Variants in C20orf203 observed in about 807,000 individuals in gnomAD.
The protein encoded by C20orf203 is uncharacterized protein C20orf203.
In C20orf203, 16 loss-of-function variants were observed where a neutral mutation model predicts 15.9. The ratio of observed to expected loss-of-function variants is 1.01; its 90% CI spans 0.68 to 1.53. The LOEUF (loss-of-function observed/expected upper bound fraction) is 1.53, where lower values mean the gene tolerates loss of function less well. Ranked by LOEUF, C20orf203 falls within the 40% of genes most tolerant of loss-of-function variation. The pLI, the probability that C20orf203 is intolerant of heterozygous loss-of-function variation, is 0.00. For synonymous variants in C20orf203, 98 were observed against 97.2 expected, an observed-to-expected ratio of 1.01 and a Z score of -0.05; for missense variants, 263 against 247.5, an observed-to-expected ratio of 1.06 and a Z score of -0.42.
chr20:32,638,015 TGTG>T (rs1982185782), intron 5 of C20orf203, among the ~76,000 whole-genome samples: 1 of 147,778 alleles, frequency 6.8e-6, no homozygotes, highest in Non-Finnish European at 1.5e-5. Context: ...CATGTGTGCT[TGTG>T]TGTGTGTGTG....
Position 32,634,159 on chromosome 20 carries a change from T to C in C20orf203, c.*1411A>G, listed in dbSNP as rs1046276503. On this transcript the variant is annotated 3_prime_UTR_variant, in exon 6 of 6. Coordinates refer to ENST00000608990, the MANE Select transcript of C20orf203 (RefSeq NM_182584.4). ...ACCCAGAGACCCAGAGAGATGCAGC[T>C]CTGATGGAGATGGCGCAGGCACGGG... is the stretch of plus-strand genomic sequence containing the variant. 3 of 398,336 alleles carry C rather than the reference T, an allele frequency of 7.5e-6. No homozygotes were observed. Among genetic ancestry groups the C allele is most frequent in the African/African-American group, 6.2e-5 (3 of 48,558 alleles). The allele number at this position is 398,336 out of a possible 1,614,324, so 24.7% of individuals were successfully genotyped here.
intron 1 of C20orf203, among the ~76,000 whole-genome samples, chr20:32,652,486 C>A (rs987915317): frequency 1.3e-4 from 19 of 151,740 alleles, no homozygotes; most frequent in African/African-American, 4.1e-4. Flanking sequence ...TTTATTTGAA[C>A]GATAAAATCA....
rs531716916 is a variant in C20orf203 at position 32,642,172 on chromosome 20, G to C, written c.*1178-1485C>G. On this transcript the variant is annotated intron_variant, in intron 4 of 5. Transcript: ENST00000608990. ...GGGTTATTTGTGTCTTTATTATTAA[G>C]TTGTTGGAAGTAGCATTTAGAGCCA... Among the ~76,000 whole-genome samples, 21 of 152,300 alleles carry C rather than the reference G, an allele frequency of 1.4e-4. No homozygotes were observed. The East Asian group carries it at 3.7e-3, about 27-fold the overall frequency.
intron 1 of C20orf203, among the ~76,000 whole-genome samples, chr20:32,661,561 C>T (rs962103492): frequency 6.6e-6 from 1 of 152,138 alleles, no homozygotes; most frequent in African/African-American, 2.4e-5. Flanking sequence ...GGAGAAGCAG[C>T]AAATCTAGGG....
rs7344709 is a variant in C20orf203 at position 32,672,017 on chromosome 20, C to T, written c.-264+1615G>A. 2.2e-3 allele frequency among the ~76,000 whole-genome samples: 340 copies of T among 151,520 alleles called. 2 individuals are homozygous for T. Among genetic ancestry groups the T allele is most frequent in the African/African-American group, 7.9e-3 (324 of 41,270 alleles). On this transcript the variant is annotated intron_variant, in intron 1 of 5. Transcript: ENST00000608990. ...TTATAGTTAACAATACTGTAGCGTGCACTTAAAAATTTAAGAGGAGCCGGG... is the reference window on the plus strand; with the variant it reads ...TTATAGTTAACAATACTGTAGCGTGTACTTAAAAATTTAAGAGGAGCCGGG...
intron 1 of C20orf203, among the ~76,000 whole-genome samples, chr20:32,652,374 G>C (rs1460140969): frequency 6.6e-6 from 1 of 151,578 alleles, no homozygotes; most frequent in Non-Finnish European, 1.5e-5. Flanking sequence ...ATCAGAGGGG[G>C]CCCAGCAGCC....
intron 4 of C20orf203, among the ~76,000 whole-genome samples, chr20:32,647,565 T>G (rs1209494326): frequency 6.6e-6 from 1 of 151,932 alleles, no homozygotes; most frequent in East Asian, 1.9e-4. Context: ...ATTAGCTGGG[T>G]ATTTTAGCAC....
chr20:32,668,942 G>A (rs868419095), intron 1 of C20orf203, among the ~76,000 whole-genome samples: 27 of 152,268 alleles, frequency 1.8e-4, no homozygotes, highest in Middle Eastern at 3.4e-3. Context: ...CTGGTGCCAC[G>A]TCCACAGCTT....
At chr20:32,635,902 CA>C (rs1054896482) in intron 5 of C20orf203, among the ~76,000 whole-genome samples, 4 of 152,302 alleles carry the variant, frequency 2.6e-5, no homozygotes, top group Middle Eastern at 3.4e-3. Flanking sequence ...CCCAGCCCAG[CA>C]AAAACCCCCA....
chr20:32,667,838 T>C (rs1983070601), intron 1 of C20orf203, among the ~76,000 whole-genome samples: 1 of 151,824 alleles, frequency 6.6e-6, no homozygotes, highest in African/African-American at 2.4e-5. Flanking sequence ...ACCCAGCTAA[T>C]TTTTTCTATT....
chr20:32,652,369 A>G (rs1982656621), intron 1 of C20orf203, among the ~76,000 whole-genome samples: 1 of 147,636 alleles, frequency 6.8e-6, no homozygotes, highest in Non-Finnish European at 1.5e-5. Context: ...CTGGCATCAG[A>G]GGGGGCCCAG....
At chr20:32,665,619 C>A (rs1010923243) in intron 1 of C20orf203, among the ~76,000 whole-genome samples, 3 of 152,158 alleles carry the variant, frequency 2.0e-5, no homozygotes, top group African/African-American at 4.8e-5. Flanking sequence ...ACAACGCAAA[C>A]CACAAGTGTG....
At chr20:32,637,469 T>C (rs1287007203) in intron 5 of C20orf203, among the ~76,000 whole-genome samples, 1 of 152,114 alleles carries the variant, frequency 6.6e-6, no homozygotes, top group African/African-American at 2.4e-5. Flanking sequence ...AACGAAACAG[T>C]AATCTTGCCT....
chr20:32,646,683 G>A (rs1189433342), intron 4 of C20orf203, among the ~76,000 whole-genome samples: 1 of 152,170 alleles, frequency 6.6e-6, no homozygotes, highest in African/African-American at 2.4e-5. Context: ...GGAAAGGGTG[G>A]GAGCCCTAAC....
chr20:32,634,351 G>T (rs187593595), intron 5 of C20orf203, 81 bp from the exon 6 acceptor site: 2 of 397,064 alleles, frequency 5.0e-6, no homozygotes, highest in Non-Finnish European at 8.9e-6. Flanking sequence ...ACAAAGCGGT[G>T]GAAGACAGCG....
At position 32,671,237 on chromosome 20, in the gene C20orf203, T is replaced by C. The variant is rs549035325; in HGVS notation, c.-264+2395A>G. On this transcript the variant is annotated intron_variant, in intron 1 of 5. Coordinates refer to ENST00000608990, the MANE Select transcript of C20orf203 (RefSeq NM_182584.4). ...CCAAGAGATATGTGAACTCCCATAT[T>C]GATTGCATCATTATTCACAATAGCC... Among the ~76,000 whole-genome samples, 4 of 152,356 alleles carry C rather than the reference T, an allele frequency of 2.6e-5. No homozygotes were observed. In the South Asian group the frequency reaches 8.3e-4, roughly 32 times the overall value.
rs1449993776 is a variant in C20orf203 at position 32,644,570 on chromosome 20, T to C, written c.*1178-3883A>G. Among the ~76,000 whole-genome samples, 3 of 152,220 alleles carry C rather than the reference T, an allele frequency of 2.0e-5. No individual in the cohort carries two copies. The East Asian group carries it at 5.8e-4, about 29-fold the overall frequency. On this transcript the variant is annotated intron_variant, in intron 4 of 5. Transcript: ENST00000608990. The stretch of plus-strand genomic sequence containing the variant: ...GAGATGTCAAGGATCAGGAGTCCCC[T>C]GGGGGCACCTGCAGGGGAGGCCCTG...
chr20:32,660,308 G>A (rs1269942536), intron 1 of C20orf203, among the ~76,000 whole-genome samples: 1 of 152,186 alleles, frequency 6.6e-6, no homozygotes, highest in Non-Finnish European at 1.5e-5. Flanking sequence ...CTGAATGACA[G>A]AGCCAAGGGC....
intron 5 of C20orf203, among the ~76,000 whole-genome samples, chr20:32,639,053 A>G (rs1363083947): frequency 6.6e-6 from 1 of 152,194 alleles, no homozygotes; most frequent in African/African-American, 2.4e-5. Flanking sequence ...ACAAGCCCCA[A>G]CTATCTGGCT....
Sources: allele counts gnomAD v4.1 joint callset (sites outside exome capture counted in the v4.1 genomes callset), GRCh38; gene constraint gnomAD v4.1.1; transcripts MANE v1.5; gene names NCBI Gene and HGNC (gene_info 2026-07-23, HGNC 2026-07-21).